ZC3H18: variants seen among roughly 807,000 people sequenced by gnomAD.
ZC3H18 encodes zinc finger CCCH-type containing 18.
In ZC3H18, 8 loss-of-function variants were observed where a neutral mutation model predicts 106.1. That is an observed-to-expected ratio of 0.08 (90% CI 0.04 to 0.14). The LOEUF (loss-of-function observed/expected upper bound fraction) is 0.14. Among genes scored for constraint, ZC3H18 ranks in the 10% least tolerant of loss-of-function variants. The probability of loss-of-function intolerance (pLI) is 1.00; values close to 1 mark genes in which losing one functional copy is unlikely to be tolerated. For missense variants in ZC3H18, 1,318 were observed against 1,278.4 expected (o/e 1.03, Z -0.47); for synonymous variants, 635 against 522.1 (o/e 1.22, Z -2.95).
intron 3 of ZC3H18, among the ~76,000 whole-genome samples, chr16:88,595,008 A>G (rs184452401): frequency 1.5e-3 from 230 of 152,072 alleles, no homozygotes; most frequent in African/African-American, 5.2e-3. Flanking sequence ...AAAATTAGCC[A>G]GGCGTGGTGG....
chr16:88,610,022 G>A (rs1476268411), intron 7 of ZC3H18, among the ~76,000 whole-genome samples: 2 of 152,016 alleles, frequency 1.3e-5, no homozygotes, highest in Non-Finnish European at 2.9e-5. Context: ...CGTTTAGGAT[G>A]TGGCGCCTGT....
intron 1 of ZC3H18, among the ~76,000 whole-genome samples, chr16:88,573,095 AGTTTTGC>A: frequency 6.6e-6 from 1 of 152,136 alleles, no homozygotes; most frequent in Non-Finnish European, 1.5e-5. Flanking sequence ...GGAGACATTT[AGTTTTGC>A]ATAAAAGTTG....
chr16:88,593,600 C>T (rs1158072376), intron 3 of ZC3H18, among the ~76,000 whole-genome samples: 7 of 152,194 alleles, frequency 4.6e-5, no homozygotes, highest in Non-Finnish European at 7.3e-5. Context: ...GAGCCCCTGC[C>T]GGCACCCAAG....
At chr16:88,576,749 T>C (rs763546808) in intron 1 of ZC3H18, among the ~76,000 whole-genome samples, 2 of 152,218 alleles carry the variant, frequency 1.3e-5, no homozygotes, top group Non-Finnish European at 2.9e-5. Flanking sequence ...AAGTAAATAC[T>C]CCTCTAAGAA....
In ZC3H18 at chr16:88,624,737, C is replaced by A. The variant is rs1357303617; in HGVS notation, c.2034C>A (p.Pro678=). 3 of 1,612,010 alleles carry A rather than the reference C, an allele frequency of 1.9e-6. No individual in the cohort carries two copies. The highest frequency in any genetic ancestry group is 1.8e-4 in the Middle Eastern group (1 of 5,444). The change falls in exon 12 of 18, where the codon CCC becomes CCA. Residue 678 remains proline, a synonymous_variant. Transcript: ENST00000301011. Reference sequence around the variant, plus strand: ...GGAAGGAGCGGCCAGCCAGGACCCCCCCCAGGAGGTGAGCACTCCGGCGTC... The same window carrying A: ...GGAAGGAGCGGCCAGCCAGGACCCCACCCAGGAGGTGAGCACTCCGGCGTC... The part of the protein sequence containing the change: ...ARRKERPART[P]PRRRTLSGSG...
intron 2 of ZC3H18, among the ~76,000 whole-genome samples, chr16:88,584,895 C>G (rs527571904): frequency 1.1e-4 from 16 of 152,374 alleles, no homozygotes; most frequent in Admixed American, 6.5e-5. Context: ...ATCTCCTACA[C>G]GCTCACTTCC....
intron 8 of ZC3H18, among the ~76,000 whole-genome samples, chr16:88,616,902 T>C (rs962125429): frequency 1.4e-4 from 21 of 152,098 alleles, no homozygotes; most frequent in African/African-American, 5.1e-4. Context: ...GCAGTCACTT[T>C]TGTTTGGTCT....
chr16:88,629,969 C>T (rs1906557756), intron 16 of ZC3H18, among the ~76,000 whole-genome samples: 1 of 152,250 alleles, frequency 6.6e-6, no homozygotes, highest in Admixed American at 6.5e-5. Flanking sequence ...TGTGGCTGGT[C>T]TGGAACAGCC....
At chr16:88,625,112 C>T (rs191092527) in intron 12 of ZC3H18, 90 bp from the exon 13 acceptor site, 872 of 1,456,438 alleles carry the variant, frequency 6.0e-4, no homozygotes, top group Middle Eastern at 1.3e-3. Context: ...AGTCTGGAGG[C>T]TCACCTCACA....
At position 88,622,489 on chromosome 16, in the gene ZC3H18, T is replaced by C. The variant is rs553210748; in HGVS notation, c.1667+101T>C. On this transcript the variant is annotated intron_variant, in intron 9 of 17. Coordinates refer to ENST00000301011, the MANE Select transcript of ZC3H18 (RefSeq NM_144604.4). ...CAGGTGGGGAACACCCCAGCCCCAC[T>C]GTTTGCTGTGGCGTCGTTACCTGCA... 8.2e-6 allele frequency: 11 copies of C among 1,334,660 alleles called. No individual in the cohort carries two copies. The South Asian group carries it at 1.5e-4, about 18-fold the overall frequency. The allele number at this position is 1,334,660 out of a possible 1,614,324, so 82.7% of individuals were successfully genotyped here. A position where few individuals can be genotyped will look rare whatever the true frequency, so the allele number is the denominator to read the frequency against.
chr16:88,592,678 A>T (rs1054027892), intron 3 of ZC3H18, among the ~76,000 whole-genome samples: 4 of 152,062 alleles, frequency 2.6e-5, no homozygotes, highest in African/African-American at 9.7e-5. Context: ...TTTGTGTTTC[A>T]GTTGGTCAGG....
chr16:88,617,759 T>A (rs773592587), intron 8 of ZC3H18, among the ~76,000 whole-genome samples: 1 of 152,236 alleles, frequency 6.6e-6, no homozygotes, highest in Non-Finnish European at 1.5e-5. Flanking sequence ...ATTCTCACTC[T>A]TCCCTGGTAA....
Position 88,608,964 on chromosome 16 carries a change from C to G in ZC3H18, c.1119C>G (p.Asp373Glu), listed in dbSNP as rs778507487. ...VLEPYADPYYDYEIERFWRGG... is the reference protein window; with the variant it reads ...VLEPYADPYYEYEIERFWRGG... ...AGCCTTACGCAGACCCTTATTATGA[C>G]TATGAAATTGAGCGGTTTTGGCGTG... Residue 373 changes from aspartate to glutamate, a missense_variant, in exon 7 of 18, where the codon GAC (aspartate) becomes GAG (glutamate). Physicochemically the swap from Asp to Glu is conservative, Grantham distance 45 (BLOSUM62 2). This residue lies in a region of ZC3H18 where 848 missense variants were observed against 821.7 expected (regional missense o/e 1.03). Coordinates refer to ENST00000301011, the MANE Select transcript of ZC3H18 (RefSeq NM_144604.4). 3 of 1,613,902 alleles carry G rather than the reference C, an allele frequency of 1.9e-6. No homozygotes were observed. The highest frequency in any genetic ancestry group is 2.5e-6 in the Non-Finnish European group (3 of 1,179,876).
rs1906476413 is a variant in ZC3H18 at position 88,628,745 on chromosome 16, T to C, written c.2470-13T>C. 1 of 1,613,756 alleles carries C rather than the reference T, an allele frequency of 6.2e-7. No homozygotes were observed. The highest frequency in any genetic ancestry group is 1.1e-5 in the South Asian group (1 of 91,064). On this transcript the variant is annotated splice_polypyrimidine_tract_variant and intron_variant, in intron 15 of 17. Transcript: ENST00000301011. ...TGGCCCTGCTGTCCTCACTGGCCTCTCTCTTGTCCCAGGCGGCTGATAAAG... is the reference window on the plus strand; with the variant it reads ...TGGCCCTGCTGTCCTCACTGGCCTCCCTCTTGTCCCAGGCGGCTGATAAAG...
chr16:88,625,360 A>G (rs1906238776), intron 13 of ZC3H18, 93 bp downstream of exon 13: 1 of 1,496,748 alleles, frequency 6.7e-7, no homozygotes, highest in East Asian at 2.5e-5. Flanking sequence ...TGTCTCCCAC[A>G]GGTGGGCTGG....
chr16:88,603,639 T>C (rs76618830), intron 6 of ZC3H18, among the ~76,000 whole-genome samples: 3 of 149,458 alleles, frequency 2.0e-5, no homozygotes, highest in Non-Finnish European at 4.5e-5. Flanking sequence ...TTTTTTTTTT[T>C]TGAGACGGAG....
chr16:88,603,943 AAATAAT>A (rs753549010), intron 6 of ZC3H18, among the ~76,000 whole-genome samples: 5 of 151,672 alleles, frequency 3.3e-5, no homozygotes, highest in East Asian at 2.0e-4. Context: ...CCATTTCTTA[AAATAAT>A]AATAATAATA....
intron 13 of ZC3H18, chr16:88,625,936 C>T (rs1004075802): frequency 2.0e-5 from 3 of 147,348 alleles, no homozygotes; most frequent in Non-Finnish European, 4.4e-5. Flanking sequence ...CCGGATTCAA[C>T]CTCAGCCCCC....
At chr16:88,588,531 T>C (rs1176859663) in intron 3 of ZC3H18, among the ~76,000 whole-genome samples, 5 of 151,438 alleles carry the variant, frequency 3.3e-5, no homozygotes, top group Non-Finnish European at 5.9e-5. Flanking sequence ...GATGCCTGGA[T>C]GAACACAGAC....
Sources: allele counts gnomAD v4.1 joint callset (sites outside exome capture counted in the v4.1 genomes callset), GRCh38; gene constraint gnomAD v4.1.1; regional missense constraint gnomAD v4.1.1; transcripts MANE v1.5; gene names NCBI Gene and HGNC (gene_info 2026-07-23, HGNC 2026-07-21).